The following HNRNPC variants were observed in gnomAD, a reference collection of about 807,000 sequenced individuals.
HNRNPC encodes the protein heterogeneous nuclear ribonucleoproteins C1/C2.
HNRNPC carries 3 observed loss-of-function variants against 33.2 expected under a neutral mutation model. That is an observed-to-expected ratio of 0.09 (90% CI 0.04 to 0.23). HNRNPC has a LOEUF of 0.23. HNRNPC is among the 10% of genes least tolerant of loss of function. The pLI is 1.00. For missense variants in HNRNPC, 143 were observed against 366.7 expected, an observed-to-expected ratio of 0.39 and a Z score of 4.98; for synonymous variants, 121 against 126.7, an observed-to-expected ratio of 0.96 and a Z score of 0.30.
chr14:21,261,215 T>C (rs368553436), intron 2 of HNRNPC, among the ~76,000 whole-genome samples: 1 of 152,156 alleles, frequency 6.6e-6, no homozygotes, highest in South Asian at 2.1e-4. Context: ...TCTCCCTCAC[T>C]AAGCTGCGAA....
intron 2 of HNRNPC, among the ~76,000 whole-genome samples, chr14:21,244,647 G>C (rs1895748355): frequency 6.6e-6 from 1 of 152,150 alleles, no homozygotes; most frequent in South Asian, 2.1e-4. Flanking sequence ...CTTAATGACA[G>C]GGAAATGCAT....
At chr14:21,214,513 G>C (rs976063381) in intron 5 of HNRNPC, among the ~76,000 whole-genome samples, 1 of 152,136 alleles carries the variant, frequency 6.6e-6, no homozygotes, top group African/African-American at 2.4e-5. Flanking sequence ...GACAGGTTGA[G>C]CCCAGGAGGT....
At chr14:21,255,468 C>T (rs992573030) in intron 2 of HNRNPC, among the ~76,000 whole-genome samples, 5 of 152,200 alleles carry the variant, frequency 3.3e-5, no homozygotes, top group African/African-American at 1.2e-4. Context: ...ATACAGGCAA[C>T]ACGGTAGTCT....
chr14:21,244,441 G>A (rs1166668076), intron 2 of HNRNPC, among the ~76,000 whole-genome samples: 3 of 152,234 alleles, frequency 2.0e-5, no homozygotes, highest in Admixed American at 1.3e-4. Context: ...TTTCCCCCGA[G>A]GTCCCTCAAA....
intron 5 of HNRNPC, among the ~76,000 whole-genome samples, chr14:21,227,605 C>G (rs1213698348): frequency 1.3e-5 from 2 of 152,184 alleles, no homozygotes; most frequent in East Asian, 1.9e-4. Flanking sequence ...TATTGAAAAT[C>G]TGAAGAGGCC....
chr14:21,266,819 G>A lies in HNRNPC; in HGVS notation c.-63+2479C>T, dbSNP rs970468797. Among the ~76,000 whole-genome samples the A allele has an allele frequency of 7.2e-5, 11 of 151,896 alleles. 1 individual carries two copies. The East Asian group carries it at 1.4e-3, about 19-fold the overall frequency. ...AATTTAGAAAACCGGGGCCGGGTGC[G>A]GTGGCTCACGCCTGTAATACCAGCA... On this transcript the variant is annotated intron_variant, in intron 1 of 8. Transcript: ENST00000553300.
chr14:21,266,259 C>G (rs1463472464), intron 1 of HNRNPC, among the ~76,000 whole-genome samples: 1 of 152,082 alleles, frequency 6.6e-6, no homozygotes, highest in South Asian at 2.1e-4. Context: ...AGCGCCAGCA[C>G]GCCAAGCTAA....
At position 21,211,529 on chromosome 14, in the gene HNRNPC, G is replaced by A. The variant is rs748904007; in HGVS notation, c.675C>T (p.Ser225=). ...MKNDKSEEEQ[S]SSSVKKDETN... ...TCTCATCTTTCTTCACGGAGCTGCT[G>A]CTCTGCTCCTCTTCTGACTTATCAT... The change falls in exon 8 of 9, where the codon AGC becomes AGT. Residue 225 remains serine (S), a synonymous_variant. Transcript: ENST00000553300. The A allele has an allele frequency of 6.7e-5, 108 of 1,611,692 alleles. No individual in the cohort carries two copies. Among genetic ancestry groups the A allele is most frequent in the Non-Finnish European group, 8.9e-5 (105 of 1,179,088 alleles).
At chr14:21,267,115 A>C (rs1387047269) in intron 1 of HNRNPC, among the ~76,000 whole-genome samples, 6 of 115,720 alleles carry the variant, frequency 5.2e-5, no homozygotes, top group African/African-American at 1.3e-4. Context: ...AAAAAAAAAA[A>C]AAAAAAAAAA....
At chr14:21,252,968 G>A (rs1353152775) in intron 2 of HNRNPC, among the ~76,000 whole-genome samples, 3 of 151,976 alleles carry the variant, frequency 2.0e-5, no homozygotes, top group African/African-American at 7.3e-5. Flanking sequence ...AAGGTCAAGA[G>A]ATCAAGACCA....
chr14:21,239,488 AT>A (rs1362825277), intron 2 of HNRNPC, among the ~76,000 whole-genome samples: 1 of 152,068 alleles, frequency 6.6e-6, no homozygotes, highest in African/African-American at 2.4e-5. Context: ...CAAAAAAAAA[AT>A]GTCCTCAACA....
chr14:21,249,542 C>T (rs1197386783), intron 2 of HNRNPC, among the ~76,000 whole-genome samples: 1 of 146,386 alleles, frequency 6.8e-6, no homozygotes, highest in African/African-American at 2.5e-5. Flanking sequence ...GCCTAGATCT[C>T]GCCACTGCAC....
intron 2 of HNRNPC, among the ~76,000 whole-genome samples, chr14:21,249,593 CAAAAAAAA>C (rs756880620): frequency 3.8e-4 from 32 of 83,456 alleles, no homozygotes; most frequent in Admixed American, 1.5e-3. Flanking sequence ...GTCTCAAAAA[CAAAAAAAA>C]AAAAAAAAAA....
intron 2 of HNRNPC, among the ~76,000 whole-genome samples, chr14:21,241,155 G>C (rs897986767): frequency 6.6e-6 from 1 of 151,598 alleles, no homozygotes; most frequent in Non-Finnish European, 1.5e-5. Flanking sequence ...AGCTACTCGG[G>C]GGGCTGAGGC....
intron 2 of HNRNPC, among the ~76,000 whole-genome samples, chr14:21,259,826 A>T (rs970033189): frequency 6.6e-6 from 1 of 151,152 alleles, no homozygotes; most frequent in African/African-American, 2.4e-5. Context: ...TAAAAATTAA[A>T]ATCTTCCAGG....
At chr14:21,239,426 C>G (rs118151933) in intron 2 of HNRNPC, among the ~76,000 whole-genome samples, 2 of 151,728 alleles carry the variant, frequency 1.3e-5, no homozygotes, top group Non-Finnish European at 2.9e-5. Flanking sequence ...GTGCAGTCAG[C>G]GGAGATAGCG....
At chr14:21,240,434 C>T (rs1895210339) in intron 2 of HNRNPC, among the ~76,000 whole-genome samples, 1 of 152,150 alleles carries the variant, frequency 6.6e-6, no homozygotes, top group Admixed American at 6.5e-5. Context: ...ATTACCATTA[C>T]ATTAACTTTA....
intron 2 of HNRNPC, among the ~76,000 whole-genome samples, chr14:21,245,390 C>T (rs139791743): frequency 1.3e-5 from 2 of 151,350 alleles, no homozygotes; most frequent in African/African-American, 2.4e-5. Context: ...TAGCTACTCG[C>T]GAGGCGGAGG....
chr14:21,237,920 C>A lies in HNRNPC; in HGVS notation c.-36-3691G>T, dbSNP rs138412772. On this transcript the variant is annotated intron_variant, in intron 2 of 8. Coordinates refer to ENST00000553300, the MANE Select transcript of HNRNPC (RefSeq NM_004500.4). ...CCCAGTAGCTGGGATTACAGGCATG[C>A]GCCACCAGGCCCGGCTAATTTTGTA... Among the ~76,000 whole-genome samples the A allele has an allele frequency of 6.6e-3, 1,002 of 152,164 alleles. 3 individuals are homozygous for A. The highest frequency in any genetic ancestry group is 0.011 in the Non-Finnish European group (762 of 67,996).
Sources: allele counts gnomAD v4.1 joint callset (sites outside exome capture counted in the v4.1 genomes callset), GRCh38; gene constraint gnomAD v4.1.1; transcripts MANE v1.5; gene names NCBI Gene and HGNC (gene_info 2026-07-23, HGNC 2026-07-21).